NFIA: variants seen among roughly 807,000 people sequenced by gnomAD.
The protein encoded by NFIA is nuclear factor 1 A-type.
In NFIA, 8 loss-of-function variants were observed where a neutral mutation model predicts 62.8. That is an observed-to-expected ratio of 0.13 (90% confidence interval 0.07 to 0.23). The LOEUF is 0.23. Among genes scored for constraint, NFIA ranks in the 10% least tolerant of loss-of-function variants. The probability of loss-of-function intolerance (pLI) is 1.00; values close to 1 mark genes in which losing one functional copy is unlikely to be tolerated. For synonymous variants in NFIA, 235 were observed against 238.1 expected, an observed-to-expected ratio of 0.99 and a Z score of 0.12; for missense variants, 410 against 642.1, an observed-to-expected ratio of 0.64 and a Z score of 3.91.
chr1:61,140,964 G>GT (rs1647464224), intron 2 of NFIA, among the ~76,000 whole-genome samples: 5 of 132,382 alleles, frequency 3.8e-5, no homozygotes, highest in African/African-American at 1.1e-4. Flanking sequence ...ACCACAGCTG[G>GT]GTTTTTTTTT....
chr1:61,201,143 G>T (rs1352537407), intron 2 of NFIA, among the ~76,000 whole-genome samples: 2 of 152,092 alleles, frequency 1.3e-5, no homozygotes, highest in African/African-American at 2.4e-5. Flanking sequence ...TGGCTTTTTT[G>T]TTGTTGTTAC....
chr1:61,165,198 A>C (rs1248001942), intron 2 of NFIA, among the ~76,000 whole-genome samples: 1 of 152,156 alleles, frequency 6.6e-6, no homozygotes, highest in African/African-American at 2.4e-5. Context: ...GAATTACTCT[A>C]TTTTTTAAAA....
At chr1:61,200,995 AG>A (rs1652442781) in intron 2 of NFIA, among the ~76,000 whole-genome samples, 1 of 150,316 alleles carries the variant, frequency 6.7e-6, no homozygotes, top group African/African-American at 2.4e-5. Context: ...TTTATTCTGT[AG>A]GGTTGCTGAA....
chr1:61,203,565 A>T (rs1311891886), intron 2 of NFIA, among the ~76,000 whole-genome samples: 1 of 152,118 alleles, frequency 6.6e-6, no homozygotes, highest in Non-Finnish European at 1.5e-5. Flanking sequence ...GAAGGTAGGG[A>T]ACACATATCT....
intron 2 of NFIA, among the ~76,000 whole-genome samples, chr1:61,121,612 G>A (rs1195187097): frequency 1.3e-5 from 2 of 152,092 alleles, no homozygotes; most frequent in Non-Finnish European, 2.9e-5. Context: ...TGGGACACAG[G>A]ATTTGTACTC....
chr1:61,286,582 G>A (rs1301085833), intron 3 of NFIA, among the ~76,000 whole-genome samples: 1 of 151,912 alleles, frequency 6.6e-6, no homozygotes, highest in African/African-American at 2.4e-5. Context: ...TCATTCAACA[G>A]GTATTTATCA....
chr1:61,197,431 A>G (rs111406646), intron 2 of NFIA, among the ~76,000 whole-genome samples: 2,967 of 150,206 alleles, frequency 0.02, 90 homozygotes, highest in African/African-American at 0.055. Flanking sequence ...TAGAGATGGG[A>G]TTTCACTGAG....
At chr1:61,224,714 C>T (rs1358785305) in intron 2 of NFIA, among the ~76,000 whole-genome samples, 3 of 152,154 alleles carry the variant, frequency 2.0e-5, no homozygotes, top group African/African-American at 7.2e-5. Flanking sequence ...AGTTGTCTCA[C>T]CTCCTCTACT....
chr1:61,409,529 A>G (rs1666002910), intron 9 of NFIA, among the ~76,000 whole-genome samples: 1 of 152,264 alleles, frequency 6.6e-6, no homozygotes, highest in Admixed American at 6.5e-5. Flanking sequence ...ATTTTAAAAT[A>G]TCGTCTCCCA....
intron 2 of NFIA, among the ~76,000 whole-genome samples, chr1:61,167,136 G>A (rs184359387): frequency 6.6e-6 from 1 of 152,206 alleles, no homozygotes; most frequent in Non-Finnish European, 1.5e-5. Flanking sequence ...GTGAGACTCT[G>A]TCTAAACAAA....
At chr1:61,122,923 C>G (rs1315992603) in intron 2 of NFIA, among the ~76,000 whole-genome samples, 2 of 152,144 alleles carry the variant, frequency 1.3e-5, no homozygotes, top group Admixed American at 6.5e-5. Flanking sequence ...CTCTCCCCCA[C>G]CCAGCCCAAG....
intron 2 of NFIA, among the ~76,000 whole-genome samples, chr1:61,110,833 T>C (rs1236366944): frequency 6.6e-6 from 1 of 152,132 alleles, no homozygotes; most frequent in Admixed American, 6.5e-5. Flanking sequence ...AAGATTAAAA[T>C]TGGCAAAAAC....
At chr1:61,118,365 C>G (rs1481012348) in intron 2 of NFIA, among the ~76,000 whole-genome samples, 1 of 152,102 alleles carries the variant, frequency 6.6e-6, no homozygotes, top group Non-Finnish European at 1.5e-5. Context: ...ATTCAGCCAA[C>G]TGTTGTTGGC....
At chr1:61,101,499 A>G (rs899096245) in intron 2 of NFIA, among the ~76,000 whole-genome samples, 1 of 152,070 alleles carries the variant, frequency 6.6e-6, no homozygotes, top group Non-Finnish European at 1.5e-5. Flanking sequence ...GCATCCTTCT[A>G]GTAATGCTGA....
At chr1:61,375,872 C>T (rs1345027742) in intron 6 of NFIA, among the ~76,000 whole-genome samples, 3 of 152,170 alleles carry the variant, frequency 2.0e-5, no homozygotes, top group Admixed American at 2.0e-4. Flanking sequence ...GTTGACTACA[C>T]CATTTCCCCT....
At position 61,437,983 on chromosome 1, in the gene NFIA, G is replaced by A. The variant is rs116070222; in HGVS notation, c.1512+11427G>A. On this transcript the variant is annotated intron_variant, in intron 10 of 10. Coordinates refer to ENST00000403491, the MANE Select transcript of NFIA (RefSeq NM_001134673.4). ...TTATTCTGTGGGAGATGGGAAGCAG[G>A]TGATGGGCACAGTGGGATCTCTATA... 2.7e-3 allele frequency among the ~76,000 whole-genome samples: 417 copies of A among 152,316 alleles called. 2 individuals are homozygous for A. Among genetic ancestry groups the A allele is most frequent in the African/African-American group, 9.5e-3 (393 of 41,554 alleles).
chr1:61,411,152 G>T (rs576173505), intron 9 of NFIA, among the ~76,000 whole-genome samples: 3 of 152,142 alleles, frequency 2.0e-5, no homozygotes, highest in Non-Finnish European at 4.4e-5. Context: ...ATGGATGCCA[G>T]CCTGGAGCAG....
chr1:61,150,533 A>T (rs1473263757), intron 2 of NFIA, among the ~76,000 whole-genome samples: 2 of 152,130 alleles, frequency 1.3e-5, no homozygotes, highest in Admixed American at 1.3e-4. Context: ...ATAAATATAT[A>T]CTGAGAAGGT....
intron 6 of NFIA, among the ~76,000 whole-genome samples, chr1:61,378,263 G>A (rs1287612224): frequency 2.0e-5 from 3 of 152,012 alleles, no homozygotes; most frequent in Admixed American, 6.5e-5. Context: ...TTTTTCCCAC[G>A]TCACTCAATC....
Sources: gnomAD v4.1 joint callset for allele counts (sites outside exome capture counted in the v4.1 genomes callset) on GRCh38, gnomAD v4.1.1 for gene constraint, MANE v1.5 for transcripts, NCBI Gene and HGNC (gene_info 2026-07-23, HGNC 2026-07-21) for gene names.